IMMT: variants seen among roughly 807,000 people sequenced by gnomAD.
IMMT encodes the protein inner membrane mitochondrial protein.
IMMT carries 40 observed loss-of-function variants against 92.7 expected under a neutral mutation model. The ratio of observed to expected loss-of-function variants is 0.43; its 90% CI spans 0.34 to 0.56. IMMT has a LOEUF of 0.56. Among genes scored for constraint, IMMT ranks in the 20% least tolerant of loss-of-function variants. IMMT has a pLI of 0.03. For synonymous variants in IMMT, 322 were observed against 336.1 expected (o/e 0.96, Z 0.46); for missense variants, 831 against 912.1 (o/e 0.91, Z 1.14).
intron 3 of IMMT, among the ~76,000 whole-genome samples, chr2:86,176,305 T>C (rs2105329409): frequency 6.6e-6 from 1 of 152,336 alleles, no homozygotes; most frequent in South Asian, 2.1e-4. Flanking sequence ...TAATAGGTGT[T>C]ATCATGAAAA....
chr2:86,184,527 C>T (rs1166066950), intron 1 of IMMT, among the ~76,000 whole-genome samples: 2 of 151,922 alleles, frequency 1.3e-5, no homozygotes, highest in Non-Finnish European at 2.9e-5. Context: ...CTATTTAATA[C>T]CACTAAGTTT....
intron 12 of IMMT, among the ~76,000 whole-genome samples, chr2:86,148,538 G>A (rs1200851861): frequency 1.3e-5 from 2 of 152,176 alleles, no homozygotes; most frequent in African/African-American, 2.4e-5. Context: ...CGTGAACCGA[G>A]GAGGCAGAGC....
In IMMT at chr2:86,144,889, GA is replaced by G; in HGVS notation, c.1664-9del. 3.2e-6 allele frequency: 5 copies of G among 1,568,718 alleles called. No homozygotes were observed. Among genetic ancestry groups the G allele is most frequent in the Admixed American group, 2.0e-5 (1 of 50,814 alleles). The stretch of plus-strand genomic sequence containing the variant: ...CTTCAGCAACTGCATGGCCTACAAA[GA>G]AAAAAAGGCAAAGCCAAACATTTTT... On this transcript the variant is annotated splice_polypyrimidine_tract_variant and intron_variant, in intron 14 of 14. Coordinates refer to ENST00000410111, the MANE Select transcript of IMMT (RefSeq NM_006839.3).
chr2:86,148,764 A>AT (rs1675241541), intron 12 of IMMT, among the ~76,000 whole-genome samples: 1 of 152,232 alleles, frequency 6.6e-6, no homozygotes, highest in Admixed American at 6.5e-5. Flanking sequence ...TGCCTAACAA[A>AT]TAGCCATAGG....
chr2:86,153,310 C>T (rs1675613220), intron 11 of IMMT, among the ~76,000 whole-genome samples: 1 of 144,576 alleles, frequency 6.9e-6, no homozygotes, highest in African/African-American at 2.5e-5. Context: ...ATATTACACA[C>T]ACACACACAC....
intron 3 of IMMT, 127 bp from the exon 4 acceptor site, chr2:86,173,888 A>G (rs964598634): frequency 1.0e-5 from 6 of 579,604 alleles, no homozygotes; most frequent in African/African-American, 7.6e-5. Context: ...ACTTTGTAAC[A>G]TATGTATTTT....
intron 1 of IMMT, among the ~76,000 whole-genome samples, chr2:86,184,754 T>A (rs201210826): frequency 0.035 from 5,263 of 149,318 alleles, 143 homozygotes; most frequent in East Asian, 0.1. Context: ...AAAAAAAAAA[T>A]TTTGGAACCT....
intron 10 of IMMT, among the ~76,000 whole-genome samples, chr2:86,157,257 T>A (rs1277785900): frequency 3.3e-5 from 5 of 152,202 alleles, no homozygotes; most frequent in African/African-American, 9.7e-5. Flanking sequence ...GCCTCCTGAG[T>A]CAACTGCATT....
intron 7 of IMMT, among the ~76,000 whole-genome samples, chr2:86,164,377 T>C (rs1426694744): frequency 6.6e-6 from 1 of 151,168 alleles, no homozygotes; most frequent in Admixed American, 6.6e-5. Context: ...ATCTTGAAAA[T>C]AAAATACATC....
Position 86,195,408 on chromosome 2 carries a change from G to A in IMMT, c.-26C>T, listed in dbSNP as rs1237099435. On this transcript the variant is annotated 5_prime_UTR_variant, in exon 1 of 15. Coordinates refer to ENST00000410111, the MANE Select transcript of IMMT (RefSeq NM_006839.3). ...CTCGGTCAAGCGGACGGCGCTGCTG[G>A]TGGACTCGAGCTGCCGCGGCGGCGC... 1 of 1,545,406 alleles carries A rather than the reference G, an allele frequency of 6.5e-7. No homozygotes were observed. The highest frequency in any genetic ancestry group is 2.0e-5 in the Admixed American group (1 of 50,530).
At chr2:86,146,663 G>A (rs773700296) in intron 13 of IMMT, among the ~76,000 whole-genome samples, 1 of 151,898 alleles carries the variant, frequency 6.6e-6, no homozygotes, top group Non-Finnish European at 1.5e-5. Flanking sequence ...GTGCCCGGCC[G>A]ATGTATATAA....
intron 4 of IMMT, chr2:86,171,648 G>A: frequency 1.2e-5 from 3 of 248,390 alleles, no homozygotes; most frequent in Admixed American, 4.9e-5. Flanking sequence ...CACAAGAAGG[G>A]GACATTTACA....
rs137992377 is a variant in IMMT, at chr2:86,192,176, T to C, written c.45+3162A>G. ...TAAGCCCAGGAGATTGAGACTGCAA[T>C]GAGTTATGATCACACTGCTGTACTC... On this transcript the variant is annotated intron_variant, in intron 1 of 14. Coordinates refer to ENST00000410111, the MANE Select transcript of IMMT (RefSeq NM_006839.3). 2.0e-5 allele frequency among the ~76,000 whole-genome samples: 3 copies of C among 152,280 alleles called. No homozygotes were observed. The East Asian group carries it at 5.8e-4, about 29-fold the overall frequency.
rs1324203964 is a variant in IMMT at position 86,144,746 on chromosome 2, T to C, written c.1799A>G (p.Lys600Arg). 2 of 1,613,876 alleles carry C rather than the reference T, an allele frequency of 1.2e-6. No individual in the cohort carries two copies. The highest frequency in any genetic ancestry group is 3.3e-5 in the Admixed American group (2 of 60,022). The change falls in exon 15 of 15, where the codon AAA (lysine) becomes AGA (arginine). Residue 600 changes from lysine to arginine, a missense_variant. Transcript: ENST00000410111. ...GAATTCATTATCAGAACAGTTGGCT[T>C]TGATGGCCTCAACTGCACTACCCAG... Reference protein sequence around the residue: ...IPLGSAVEAIKANCSDNEFTQ... With the variant: ...IPLGSAVEAIRANCSDNEFTQ...
Position 86,143,968 on chromosome 2 carries a change from G to A in IMMT, c.*300C>T, listed in dbSNP as rs1272181345. ...CTTGTTGCTTTATTCAGTTTGCTCC[G>A]AGGGCAAAATCAACAGTAGTAGAGA... On this transcript the variant is annotated 3_prime_UTR_variant, in exon 15 of 15. Transcript: ENST00000410111. 1.1e-5 allele frequency: 5 copies of A among 437,010 alleles called. No individual in the cohort carries two copies. Among genetic ancestry groups the A allele is most frequent in the East Asian group, 4.7e-5 (1 of 21,494 alleles). 27.1% of individuals were successfully genotyped at this position (437,010 alleles called of 1,614,324 possible). A position where few individuals can be genotyped will look rare whatever the true frequency, so the allele number is the denominator to read the frequency against.
At chr2:86,171,186 C>A in intron 5 of IMMT, 22 bp downstream of exon 5, 1 of 1,559,860 alleles carries the variant, frequency 6.4e-7, no homozygotes, top group Non-Finnish European at 8.7e-7. Flanking sequence ...TATAAAAGAA[C>A]AAATAGAAAT....
At chr2:86,186,442 G>A (rs1379117629) in intron 1 of IMMT, among the ~76,000 whole-genome samples, 5 of 152,170 alleles carry the variant, frequency 3.3e-5, no homozygotes, top group African/African-American at 1.2e-4. Flanking sequence ...GCAGGCCTTT[G>A]TTACTAATTC....
intron 11 of IMMT, 124 bp downstream of exon 11, chr2:86,153,436 A>T: frequency 1.9e-6 from 1 of 534,054 alleles, no homozygotes; most frequent in Non-Finnish European, 3.3e-6. Context: ...TTATCATGTG[A>T]CATAATTCTA....
In IMMT at chr2:86,181,342, G is replaced by A. The variant is rs754210825; in HGVS notation, c.76C>T (p.Pro26Ser). 6.2e-7 allele frequency: 1 copy of A among 1,613,720 alleles called. No homozygotes were observed. Among genetic ancestry groups the A allele is most frequent in the East Asian group, 2.2e-5 (1 of 44,884 alleles). ...SCLCGKFVLR[P>S]LRPCRRYSTS... ...GAGTATCTGCGGCATGGTCGCAATG[G>A]ACGGAGGACAAACTTCCCACAGAGA... is the stretch of plus-strand genomic sequence containing the variant. Residue 26 changes from proline to serine, a missense_variant, in exon 2 of 15, where the codon CCA (proline) becomes TCA (serine). Transcript: ENST00000410111.
Sources: allele counts gnomAD v4.1 joint callset (sites outside exome capture counted in the v4.1 genomes callset), GRCh38; gene constraint gnomAD v4.1.1; transcripts MANE v1.5; gene names NCBI Gene and HGNC (gene_info 2026-07-23, HGNC 2026-07-21).